Variants in GFOD2 observed in about 807,000 individuals in gnomAD.
GFOD2 encodes the protein Gfo/Idh/MocA-like oxidoreductase domain containing 2.
In GFOD2, 9 loss-of-function variants were observed where a neutral mutation model predicts 24.6. The ratio of observed to expected loss-of-function variants is 0.37; its 90% CI spans 0.22 to 0.64. The LOEUF (loss-of-function observed/expected upper bound fraction) is 0.64, where lower values mean the gene tolerates loss of function less well. Among genes scored for constraint, GFOD2 ranks in the 30% least tolerant of loss-of-function variants. The probability of loss-of-function intolerance (pLI) is 0.65; values close to 1 mark genes in which losing one functional copy is unlikely to be tolerated. For synonymous variants in GFOD2, 211 were observed against 224.8 expected, an observed-to-expected ratio of 0.94 and a Z score of 0.55; for missense variants, 476 against 532.5, an observed-to-expected ratio of 0.89 and a Z score of 1.04.
intron 2 of GFOD2, chr16:67,681,175 G>A (rs1325817935): frequency 1.0e-6 from 1 of 985,342 alleles, no homozygotes; most frequent in East Asian, 1.1e-4. Flanking sequence ...AGGAAATGAG[G>A]TTCTCAGACA....
chr16:67,698,524 G>A (rs1031692581), intron 1 of GFOD2, among the ~76,000 whole-genome samples: 2 of 152,054 alleles, frequency 1.3e-5, no homozygotes, highest in Non-Finnish European at 2.9e-5. Context: ...CTGTCACCCA[G>A]GCTGGAGTGC....
At chr16:67,687,306 CT>C (rs1422586821) in intron 1 of GFOD2, among the ~76,000 whole-genome samples, 1 of 151,586 alleles carries the variant, frequency 6.6e-6, no homozygotes, top group Non-Finnish European at 1.5e-5. Context: ...TACCAAAAAA[CT>C]TTTTTCATCA....
intron 1 of GFOD2, among the ~76,000 whole-genome samples, chr16:67,702,396 C>T (rs1286520843): frequency 6.6e-6 from 1 of 151,626 alleles, no homozygotes; most frequent in Non-Finnish European, 1.5e-5. Flanking sequence ...ATCACTTGAA[C>T]CTGGGAGGCA....
intron 1 of GFOD2, among the ~76,000 whole-genome samples, chr16:67,699,630 T>G (rs143792786): frequency 6.6e-6 from 1 of 151,938 alleles, no homozygotes; most frequent in East Asian, 2.0e-4. Context: ...ACCACAGATG[T>G]GTACCACCAC....
intron 1 of GFOD2, among the ~76,000 whole-genome samples, chr16:67,690,452 A>C (rs2053303673): frequency 2.0e-5 from 3 of 147,826 alleles, no homozygotes; most frequent in Non-Finnish European, 4.4e-5. Flanking sequence ...GCTGGAGTGG[A>C]GTGGCACTGG....
chr16:67,704,173 T>C (rs922499391), intron 1 of GFOD2, among the ~76,000 whole-genome samples: 1 of 152,266 alleles, frequency 6.6e-6, no homozygotes, highest in Non-Finnish European at 1.5e-5. Flanking sequence ...TTATAGTTTT[T>C]TGACCCCGAG....
chr16:67,702,566 G>A (rs899218100), intron 1 of GFOD2, among the ~76,000 whole-genome samples: 21 of 149,876 alleles, frequency 1.4e-4, no homozygotes, highest in Admixed American at 5.3e-4. Flanking sequence ...TCCAACTGAC[G>A]CAGTATTGTC....
chr16:67,703,042 G>A (rs1372699125), intron 1 of GFOD2, among the ~76,000 whole-genome samples: 1 of 152,172 alleles, frequency 6.6e-6, no homozygotes, highest in Non-Finnish European at 1.5e-5. Flanking sequence ...CTCAGCAGAA[G>A]GTGCCTAAGA....
chr16:67,692,242 A>G (rs1597796611), intron 1 of GFOD2, among the ~76,000 whole-genome samples: 1 of 151,718 alleles, frequency 6.6e-6, no homozygotes, highest in African/African-American at 2.4e-5. Flanking sequence ...AAAAAAAAAA[A>G]AAAGAAAACA....
chr16:67,681,204 G>C, intron 2 of GFOD2: 1 of 985,488 alleles, frequency 1.0e-6, no homozygotes, highest in Non-Finnish European at 1.2e-6. Flanking sequence ...GAGAGCTGCT[G>C]TTCTGGCCAA....
chr16:67,676,114 C>A, intron 2 of GFOD2, 61 bp from the exon 3 acceptor site: 1 of 1,482,180 alleles, frequency 6.7e-7, no homozygotes, highest in Admixed American at 2.2e-5. Context: ...AGCATGTCCG[C>A]CTGCCCTGAG....
chr16:67,710,987 G>A (rs1210573025), intron 1 of GFOD2, among the ~76,000 whole-genome samples: 1 of 152,116 alleles, frequency 6.6e-6, no homozygotes, highest in East Asian at 1.9e-4. Flanking sequence ...AGGCACAGCA[G>A]CCCAATGTCA....
At chr16:67,692,908 C>A (rs1028423393) in intron 1 of GFOD2, among the ~76,000 whole-genome samples, 2 of 149,020 alleles carry the variant, frequency 1.3e-5, no homozygotes, top group Admixed American at 6.7e-5. Flanking sequence ...TGGGCACCTG[C>A]AGTCCCAGCT....
intron 2 of GFOD2, 25 bp downstream of exon 2, chr16:67,685,432 C>T: frequency 2.5e-6 from 4 of 1,614,020 alleles, no homozygotes; most frequent in African/African-American, 1.3e-5. Flanking sequence ...CATGATCTGC[C>T]CCTGCTGTGG....
intron 2 of GFOD2, chr16:67,677,099 A>G (rs2142992194): frequency 6.6e-6 from 1 of 152,244 alleles, no homozygotes; most frequent in Middle Eastern, 3.4e-3. Flanking sequence ...CCTGGCAAAA[A>G]CCCACGAAAA....
At chr16:67,695,476 A>G (rs1376468211) in intron 1 of GFOD2, among the ~76,000 whole-genome samples, 1 of 151,362 alleles carries the variant, frequency 6.6e-6, no homozygotes, top group African/African-American at 2.4e-5. Context: ...TATGGCTGTT[A>G]TAGGAGCTTG....
At chr16:67,692,028 A>G (rs932938684) in intron 1 of GFOD2, among the ~76,000 whole-genome samples, 6 of 152,024 alleles carry the variant, frequency 3.9e-5, no homozygotes, top group East Asian at 1.9e-4. Flanking sequence ...GTGTGTGTGT[A>G]TGTGTGTTCC....
At chr16:67,710,972 G>C (rs533097354) in intron 1 of GFOD2, among the ~76,000 whole-genome samples, 77 of 152,260 alleles carry the variant, frequency 5.1e-4, no homozygotes, top group African/African-American at 1.8e-3. Context: ...TGGTTGTGCA[G>C]TAAAAGGCAC....
rs138224256 is a variant in GFOD2 at position 67,691,107 on chromosome 16, G to A, written c.-87-5305C>T. Reference sequence around the variant, plus strand: ...TTAAACTCCTGACCTCAGGTGATCCGTCTGCCTTAGCCTCCCAAAGTGCTG... The same window carrying A: ...TTAAACTCCTGACCTCAGGTGATCCATCTGCCTTAGCCTCCCAAAGTGCTG... On this transcript the variant is annotated intron_variant, in intron 1 of 2. Transcript: ENST00000268797. 1.4e-3 allele frequency among the ~76,000 whole-genome samples: 220 copies of A among 152,252 alleles called. 1 individual carries two copies. Among genetic ancestry groups the A allele is most frequent in the African/African-American group, 4.6e-3 (191 of 41,554 alleles).
Sources: gnomAD v4.1 joint callset for allele counts (sites outside exome capture counted in the v4.1 genomes callset) on GRCh38, gnomAD v4.1.1 for gene constraint, MANE v1.5 for transcripts, NCBI Gene and HGNC (gene_info 2026-07-23, HGNC 2026-07-21) for gene names.